OR4E2: variants seen among roughly 807,000 people sequenced by gnomAD.
OR4E2 encodes the protein olfactory receptor 4E2.
In OR4E2, 9 loss-of-function variants were observed where a neutral mutation model predicts 11.0. The ratio of observed to expected loss-of-function variants is 0.82; its 90% CI spans 0.49 to 1.43. OR4E2 has a LOEUF of 1.43. Among genes scored for constraint, OR4E2 ranks in the 40% most tolerant of loss-of-function variants. The pLI, the probability that OR4E2 is intolerant of heterozygous loss-of-function variation, is 0.00. For missense variants in OR4E2, 441 were observed against 382.0 expected, an observed-to-expected ratio of 1.15 and a Z score of -1.29; for synonymous variants, 159 against 147.3, an observed-to-expected ratio of 1.08 and a Z score of -0.57.
intron 3 of OR4E2, among the ~76,000 whole-genome samples, chr14:21,662,306 T>C (rs1439520364): frequency 6.6e-6 from 1 of 152,078 alleles, no homozygotes; most frequent in African/African-American, 2.4e-5. Context: ...TTATTATTAT[T>C]ATTTTTTTCA....
chr14:21,659,620 A>G (rs1015930338), intron 2 of OR4E2, among the ~76,000 whole-genome samples: 1 of 152,238 alleles, frequency 6.6e-6, no homozygotes, highest in African/African-American at 2.4e-5. Flanking sequence ...CAATTTGATA[A>G]TAATATATTT....
At chr14:21,659,589 T>A (rs1459289968) in intron 2 of OR4E2, among the ~76,000 whole-genome samples, 1 of 152,222 alleles carries the variant, frequency 6.6e-6, no homozygotes, top group African/African-American at 2.4e-5. Context: ...AATTATTTAA[T>A]CTTGCAAATA....
rs1880702223 is a variant in OR4E2 at position 21,667,383 on chromosome 14, C to A, written c.*1359C>A. 1 of 152,010 alleles carries A rather than the reference C, an allele frequency of 6.6e-6. No individual in the cohort carries two copies. Among genetic ancestry groups the A allele is most frequent in the Non-Finnish European group, 1.5e-5 (1 of 67,998 alleles). The allele number at this position is 152,010 out of a possible 1,614,324, so 9.4% of individuals were successfully genotyped here. A position where few individuals can be genotyped will look rare whatever the true frequency, so the allele number is the denominator to read the frequency against. On this transcript the variant is annotated 3_prime_UTR_variant, in exon 4 of 4. Transcript: ENST00000641524. ...AGAGTGAGTGACCCACTAACTCTAA[C>A]TAAAGAGTAATACATGATTACCTTT... is the stretch of plus-strand genomic sequence containing the variant.
In OR4E2 at chr14:21,666,668, G is replaced by A. The variant is rs192759425; in HGVS notation, c.*644G>A. Reference sequence around the variant, plus strand: ...ACAAAACTATACACCCACAAGAATAGTAAAAATTAAAAAGGTAGAAAATAC... The same window carrying A: ...ACAAAACTATACACCCACAAGAATAATAAAAATTAAAAAGGTAGAAAATAC... On this transcript the variant is annotated 3_prime_UTR_variant, in exon 4 of 4. Coordinates refer to ENST00000641524, the MANE Select transcript of OR4E2 (RefSeq NM_001001912.3). 4 of 149,052 alleles carry A rather than the reference G, an allele frequency of 2.7e-5. No homozygotes were observed. 9.2% of individuals were successfully genotyped at this position (149,052 alleles called of 1,614,324 possible).
chr14:21,657,367 TTCCTTCCTTC>T, intron 2 of OR4E2, among the ~76,000 whole-genome samples: 1 of 146,676 alleles, frequency 6.8e-6, no homozygotes, highest in Admixed American at 7.1e-5. Context: ...CCTTCCTTCC[TTCCTTCCTTC>T]CTTCCTTCCT....
rs28698591 is a variant in OR4E2 at position 21,657,409 on chromosome 14, T to C, written c.-103+820T>C. ...TCCTTTCTTTCTTCCTTCCTTCCTT[T>C]CTTTCTTTCTTTCTCTTTCTTTCTT... On this transcript the variant is annotated intron_variant, in intron 2 of 3. Coordinates refer to ENST00000641524, the MANE Select transcript of OR4E2 (RefSeq NM_001001912.3). Among the ~76,000 whole-genome samples, 674 of 133,412 alleles carry C rather than the reference T, an allele frequency of 5.1e-3. 7 individuals carry two copies. Among genetic ancestry groups the C allele is most frequent in the African/African-American group, 0.016 (592 of 37,454 alleles). 87.5% of individuals were successfully genotyped at this position (133,412 alleles called of 152,430 possible).
Position 21,661,452 on chromosome 14 carries a change from A to G in OR4E2, c.-9+706A>G, listed in dbSNP as rs117558000. On this transcript the variant is annotated intron_variant, in intron 3 of 3. Transcript: ENST00000641524. The stretch of plus-strand genomic sequence containing the variant: ...TGCCTTCTTTCCTTCAAGGTTCGTA[A>G]TATACTCATAATAGGTTCTTTTGCT... Among the ~76,000 whole-genome samples, 1,098 of 152,118 alleles carry G rather than the reference A, an allele frequency of 7.2e-3. 33 individuals carry two copies. Among genetic ancestry groups the G allele is most frequent in the Admixed American group, 0.053 (814 of 15,278 alleles).
Position 21,666,339 on chromosome 14 carries a change from AG to A in OR4E2, c.*317del. ...TCAGTTCAGTCTCAGTTTCAGGAGC[AG>A]GTAGAGTGAGAATTGACTCTCTTGA... On this transcript the variant is annotated 3_prime_UTR_variant, in exon 4 of 4. Transcript: ENST00000641524. 3.7e-6 allele frequency: 1 copy of A among 272,496 alleles called. No homozygotes were observed. The allele number at this position is 272,496 out of a possible 1,614,324, so 16.9% of individuals were successfully genotyped here. A position where few individuals can be genotyped will look rare whatever the true frequency, so the allele number is the denominator to read the frequency against.
In OR4E2 at chr14:21,666,532, C is replaced by T. The variant is rs889622951; in HGVS notation, c.*508C>T. 7 of 151,848 alleles carry T rather than the reference C, an allele frequency of 4.6e-5. No homozygotes were observed. Among genetic ancestry groups the T allele is most frequent in the African/African-American group, 1.7e-4 (7 of 41,338 alleles). The allele number at this position is 151,848 out of a possible 1,614,324, so 9.4% of individuals were successfully genotyped here. ...TTTTGTTGCTTTTGAATGTAATTCT[C>T]TCATGTCTAGATCTATTTTGTACTT... is the stretch of plus-strand genomic sequence containing the variant. On this transcript the variant is annotated 3_prime_UTR_variant, in exon 4 of 4. Transcript: ENST00000641524.
At chr14:21,661,345 T>G (rs1308413983) in intron 3 of OR4E2, among the ~76,000 whole-genome samples, 2 of 152,264 alleles carry the variant, frequency 1.3e-5, no homozygotes, top group Non-Finnish European at 2.9e-5. Flanking sequence ...TGCGTAAATA[T>G]ATATGCATAC....
intron 2 of OR4E2, among the ~76,000 whole-genome samples, chr14:21,658,203 G>A (rs1880122271): frequency 6.6e-6 from 1 of 152,112 alleles, no homozygotes; most frequent in Admixed American, 6.5e-5. Flanking sequence ...GCAAAAGCTG[G>A]GAAAGCCACA....
At chr14:21,653,998 T>TA (rs1879789684) in intron 1 of OR4E2, 59 bp downstream of exon 1, 1 of 152,246 alleles carries the variant, frequency 6.6e-6, no homozygotes, top group Admixed American at 6.5e-5. Context: ...AGATAGTTTT[T>TA]ATGTATAAAC....
intron 3 of OR4E2, among the ~76,000 whole-genome samples, chr14:21,662,032 C>G (rs1312165325): frequency 2.0e-5 from 3 of 152,032 alleles, no homozygotes; most frequent in Non-Finnish European, 4.4e-5. Flanking sequence ...CTTTGTTAAT[C>G]CGATGAATGA....
At chr14:21,655,995 C>A (rs1879920743) in intron 1 of OR4E2, among the ~76,000 whole-genome samples, 1 of 151,584 alleles carries the variant, frequency 6.6e-6, no homozygotes, top group South Asian at 2.1e-4. Flanking sequence ...AAAGGCGAAA[C>A]CGCTGGGCGT....
chr14:21,666,107 CT>C lies in OR4E2; in HGVS notation c.*85del. On this transcript the variant is annotated 3_prime_UTR_variant, in exon 4 of 4. Coordinates refer to ENST00000641524, the MANE Select transcript of OR4E2 (RefSeq NM_001001912.3). ...AAAGAGTCAAAATCAACTTATATAACTTGGTAAATTAGGTAAAATGGCATAG... is the reference window on the plus strand; with the variant it reads ...AAAGAGTCAAAATCAACTTATATAACTGGTAAATTAGGTAAAATGGCATAG... 1 of 990,998 alleles carries C rather than the reference CT, an allele frequency of 1.0e-6. No homozygotes were observed. Among genetic ancestry groups the C allele is most frequent in the Middle Eastern group, 2.8e-4 (1 of 3,534 alleles). 61.4% of individuals were successfully genotyped at this position (990,998 alleles called of 1,614,324 possible).
At chr14:21,655,199 A>T (rs116826653) in intron 1 of OR4E2, among the ~76,000 whole-genome samples, 1 of 152,270 alleles carries the variant, frequency 6.6e-6, no homozygotes, top group Non-Finnish European at 1.5e-5. Context: ...TTGCTCAAGT[A>T]TACGCAGAGT....
chr14:21,667,591 G>A lies in OR4E2; in HGVS notation c.*1567G>A, dbSNP rs1285991348. 6.6e-6 allele frequency: 1 copy of A among 152,116 alleles called. No individual in the cohort carries two copies. Among genetic ancestry groups the A allele is most frequent in the Non-Finnish European group, 1.5e-5 (1 of 68,016 alleles). 9.4% of individuals were successfully genotyped at this position (152,116 alleles called of 1,614,324 possible). A position where few individuals can be genotyped will look rare whatever the true frequency, so the allele number is the denominator to read the frequency against. On this transcript the variant is annotated 3_prime_UTR_variant, in exon 4 of 4. Coordinates refer to ENST00000641524, the MANE Select transcript of OR4E2 (RefSeq NM_001001912.3). ...TTTTAGATATCTATGATGAAATGAA[G>A]TCCAGATATCACTACTATGTACATG...
intron 3 of OR4E2, among the ~76,000 whole-genome samples, chr14:21,661,831 T>C (rs72686094): frequency 0.027 from 4,063 of 152,346 alleles, 150 homozygotes; most frequent in Admixed American, 0.11. Flanking sequence ...AAAAAGTCTT[T>C]AAACATGTAT....
intron 2 of OR4E2, among the ~76,000 whole-genome samples, chr14:21,658,232 C>T (rs1594544600): frequency 1.3e-5 from 2 of 152,284 alleles, no homozygotes; most frequent in African/African-American, 4.8e-5. Flanking sequence ...CTGAAGCTTA[C>T]CTGCATCCCA....
Sources: allele counts gnomAD v4.1 joint callset (sites outside exome capture counted in the v4.1 genomes callset), GRCh38; gene constraint gnomAD v4.1.1; transcripts MANE v1.5; gene names NCBI Gene and HGNC (gene_info 2026-07-23, HGNC 2026-07-21).